TAFA2: variants seen among roughly 807,000 people sequenced by gnomAD.
TAFA2 encodes chemokine-like protein TAFA-2.
A neutral mutation model predicts 18.8 loss-of-function variants in TAFA2; 7 were observed. That is an observed-to-expected ratio of 0.37 (90% confidence interval 0.21 to 0.70). The LOEUF is 0.70. Among genes scored for constraint, TAFA2 ranks in the 30% least tolerant of loss-of-function variants. The pLI is 0.53. For missense variants in TAFA2, 122 were observed against 158.1 expected, an observed-to-expected ratio of 0.77 and a Z score of 1.23; for synonymous variants, 60 against 54.2, an observed-to-expected ratio of 1.11 and a Z score of -0.47.
At chr12:61,970,560 G>C (rs939163472) in intron 1 of TAFA2, among the ~76,000 whole-genome samples, 75 of 151,202 alleles carry the variant, frequency 5.0e-4, no homozygotes, top group African/African-American at 1.7e-3. Flanking sequence ...AAATTAAATT[G>C]CACATCAAAC....
chr12:62,207,079 A>C (rs1487192781), intron 1 of TAFA2: 1 of 152,142 alleles, frequency 6.6e-6, no homozygotes, highest in Non-Finnish European at 1.5e-5. Flanking sequence ...AATTTTGGTA[A>C]CCCACTCTAT....
intron 1 of TAFA2, among the ~76,000 whole-genome samples, chr12:62,216,371 A>G (rs1305100149): frequency 2.6e-5 from 4 of 152,184 alleles, no homozygotes; most frequent in Admixed American, 2.6e-4. Context: ...GTAAATTTTA[A>G]CAAACAGCAT....
intron 1 of TAFA2, among the ~76,000 whole-genome samples, chr12:62,247,357 T>C (rs2062891654): frequency 6.6e-6 from 1 of 152,198 alleles, no homozygotes; most frequent in South Asian, 2.1e-4. Context: ...GAGTAAACCC[T>C]ACAGGTCAGT....
intron 1 of TAFA2, among the ~76,000 whole-genome samples, chr12:61,991,571 G>A (rs1033302518): frequency 5.9e-5 from 9 of 152,102 alleles, no homozygotes; most frequent in African/African-American, 2.2e-4. Flanking sequence ...CTACATTTCA[G>A]TTAAGTCAAT....
chr12:62,208,719 T>C (rs1158426371), intron 1 of TAFA2, among the ~76,000 whole-genome samples: 7 of 152,238 alleles, frequency 4.6e-5, no homozygotes, highest in South Asian at 2.1e-4. Flanking sequence ...TCTTACTTAA[T>C]ATTCCCCTCT....
At chr12:61,820,348 T>C (rs1225537599) in intron 2 of TAFA2, among the ~76,000 whole-genome samples, 4 of 151,998 alleles carry the variant, frequency 2.6e-5, no homozygotes, top group African/African-American at 9.7e-5. Context: ...AATAATGTGG[T>C]AAATATAAGT....
intron 1 of TAFA2, among the ~76,000 whole-genome samples, chr12:62,223,775 G>T (rs2062774107): frequency 6.6e-6 from 1 of 151,988 alleles, no homozygotes; most frequent in Admixed American, 6.6e-5. Flanking sequence ...AGATAAGTTG[G>T]ACTTTATCAA....
In TAFA2 at chr12:61,902,720, C is replaced by A. The variant is rs539387184; in HGVS notation, c.-1-35294G>T. ...GTTCATTCACAACATTTTTCTCCAG[C>A]CTTGATATCCTATCTGTGCCAAACC... On this transcript the variant is annotated intron_variant, in intron 1 of 4. Coordinates refer to ENST00000416284, the MANE Select transcript of TAFA2 (RefSeq NM_178539.5). 2.6e-5 allele frequency among the ~76,000 whole-genome samples: 4 copies of A among 152,282 alleles called. No individual in the cohort carries two copies. In the South Asian group the frequency reaches 8.3e-4, roughly 32 times the overall value.
chr12:61,883,946 T>G (rs1217874568), intron 1 of TAFA2, among the ~76,000 whole-genome samples: 1 of 152,198 alleles, frequency 6.6e-6, no homozygotes, highest in African/African-American at 2.4e-5. Context: ...AGATAACATA[T>G]GTGAAGTACT....
chr12:62,114,938 T>C (rs1193292228), intron 1 of TAFA2, among the ~76,000 whole-genome samples: 1 of 152,198 alleles, frequency 6.6e-6, no homozygotes, highest in Non-Finnish European at 1.5e-5. Context: ...AGCTCTTACA[T>C]GGGCCATATT....
At chr12:61,733,753 C>T (rs556325303) in intron 4 of TAFA2, among the ~76,000 whole-genome samples, 125 of 152,156 alleles carry the variant, frequency 8.2e-4, no homozygotes, top group African/African-American at 2.9e-3. Flanking sequence ...CTTGGCGATG[C>T]TGGCTCTTTT....
Position 62,134,618 on chromosome 12 carries a change from A to G in TAFA2, c.-2+56641T>C, listed in dbSNP as rs1382031120. ...ATAGATATCAATAGCACTTGTCACA[A>G]TCTACACTTTGTGGCTATGATTTGT... On this transcript the variant is annotated intron_variant, in intron 1 of 4. Transcript: ENST00000416284. Among the ~76,000 whole-genome samples, 4 of 152,206 alleles carry G rather than the reference A, an allele frequency of 2.6e-5. No individual in the cohort carries two copies. In the South Asian group the frequency reaches 8.3e-4, roughly 32 times the overall value.
At chr12:62,001,317 T>C (rs1880368802) in intron 1 of TAFA2, among the ~76,000 whole-genome samples, 1 of 152,004 alleles carries the variant, frequency 6.6e-6, no homozygotes, top group South Asian at 2.1e-4. Flanking sequence ...CAGGGAGTGG[T>C]TTTGGATGAT....
At chr12:61,818,226 TTTTC>T (rs1437277743) in intron 2 of TAFA2, among the ~76,000 whole-genome samples, 3 of 152,174 alleles carry the variant, frequency 2.0e-5, no homozygotes, top group Admixed American at 6.6e-5. Context: ...ACGTCTGTCT[TTTTC>T]TTTATCAAAT....
chr12:61,848,820 T>G (rs1232919594), intron 2 of TAFA2, among the ~76,000 whole-genome samples: 1 of 151,886 alleles, frequency 6.6e-6, no homozygotes, highest in African/African-American at 2.4e-5. Context: ...GGTAAGATAT[T>G]ACTTTGGTAA....
At chr12:61,741,528 A>G (rs77310172) in intron 4 of TAFA2, among the ~76,000 whole-genome samples, 252 of 152,238 alleles carry the variant, frequency 1.7e-3, no homozygotes, top group Middle Eastern at 0.014. Context: ...TAGTTGCTAT[A>G]TACTAAGGAG....
intron 1 of TAFA2, among the ~76,000 whole-genome samples, chr12:62,228,374 T>A (rs1465711884): frequency 6.6e-6 from 1 of 152,198 alleles, no homozygotes; most frequent in Non-Finnish European, 1.5e-5. Flanking sequence ...TTTGGTAGAA[T>A]GACTTATTTT....
intron 1 of TAFA2, among the ~76,000 whole-genome samples, chr12:61,963,867 G>T (rs1013973138): frequency 6.6e-6 from 1 of 151,930 alleles, no homozygotes; most frequent in Non-Finnish European, 1.5e-5. Context: ...CATGGTACTG[G>T]TACCAAAACA....
At chr12:61,956,575 A>T (rs971807901) in intron 1 of TAFA2, among the ~76,000 whole-genome samples, 1 of 150,336 alleles carries the variant, frequency 6.7e-6, no homozygotes, top group Non-Finnish European at 1.5e-5. Context: ...AGAAAAACAG[A>T]TGGTGTTTTT....
Sources: allele counts gnomAD v4.1 joint callset (sites outside exome capture counted in the v4.1 genomes callset), GRCh38; gene constraint gnomAD v4.1.1; transcripts MANE v1.5; gene names NCBI Gene and HGNC (gene_info 2026-07-23, HGNC 2026-07-21).